IL6R: variants seen among roughly 807,000 people sequenced by gnomAD.
IL6R encodes interleukin-6 receptor subunit alpha.
A neutral mutation model predicts 48.3 loss-of-function variants in IL6R; 38 were observed. That is an observed-to-expected ratio of 0.79 (90% CI 0.61 to 1.03). The LOEUF (loss-of-function observed/expected upper bound fraction) is 1.03. Ranked by LOEUF, IL6R falls within the 50% of genes least tolerant of loss-of-function variation. The pLI is 0.00. For missense variants in IL6R, 534 were observed against 618.3 expected (o/e 0.86, Z 1.45); for synonymous variants, 264 against 256.2 (o/e 1.03, Z -0.29).
At chr1:154,414,274 G>T in intron 1 of IL6R, 2 of 561,550 alleles carry the variant, frequency 3.6e-6, no homozygotes, top group South Asian at 2.6e-5. Flanking sequence ...TATTTTTTGA[G>T]AGAATGTCAA....
rs886555953 is a variant in IL6R at position 154,433,776 on chromosome 1, G to A, written c.459-743G>A. On this transcript the variant is annotated intron_variant, in intron 3 of 9. Transcript: ENST00000368485. ...TGGAGTCTCTGTCGCCCAGGCTGGA[G>A]TGCAGTCTCTGTCACTGCAACATCT... 5.3e-5 allele frequency among the ~76,000 whole-genome samples: 8 copies of A among 151,550 alleles called. 1 individual carries two copies. Among genetic ancestry groups the A allele is most frequent in the South Asian group, 2.1e-4 (1 of 4,814 alleles).
chr1:154,450,261 G>C (rs1690509487), intron 8 of IL6R, among the ~76,000 whole-genome samples: 1 of 152,038 alleles, frequency 6.6e-6, no homozygotes, highest in Non-Finnish European at 1.5e-5. Flanking sequence ...AAGTAGCTGG[G>C]ATTACAGGCG....
rs200103743 is a variant in IL6R at position 154,430,516 on chromosome 1, G to A, written c.368G>A (p.Arg123Gln). ...GAGGAGCCCCAGCTCTCCTGCTTCCGGAAGAGCCCCCTCAGCAATGTTGTT... is the reference window on the plus strand; with the variant it reads ...GAGGAGCCCCAGCTCTCCTGCTTCCAGAAGAGCCCCCTCAGCAATGTTGTT... ...PPEEPQLSCF[R>Q]KSPLSNVVCE... The change falls in exon 3 of 10, where the codon CGG (arginine) becomes CAG (glutamine). Residue 123 changes from arginine to glutamine, a missense_variant. Coordinates refer to ENST00000368485, the MANE Select transcript of IL6R (RefSeq NM_000565.4). 1.6e-5 allele frequency: 26 copies of A among 1,613,854 alleles called. No homozygotes were observed. Among genetic ancestry groups the A allele is most frequent in the Middle Eastern group, 1.7e-4 (1 of 6,056 alleles).
Position 154,464,282 on chromosome 1 carries a change from G to A in IL6R, c.1161-852G>A, listed in dbSNP as rs868345781. 2.8e-4 allele frequency among the ~76,000 whole-genome samples: 43 copies of A among 151,824 alleles called. 1 individual carries two copies. The highest frequency in any genetic ancestry group is 9.2e-4 in the African/African-American group (38 of 41,424). On this transcript the variant is annotated intron_variant, in intron 9 of 9. Coordinates refer to ENST00000368485, the MANE Select transcript of IL6R (RefSeq NM_000565.4). ...CGATTCTCCTGCCTCAGCCTCCCAA[G>A]TATCTGGGATTACAGGTGCCTGCCA...
intron 7 of IL6R, 139 bp from the exon 8 acceptor site, chr1:154,449,772 C>T (rs927778889): frequency 6.3e-5 from 42 of 664,810 alleles, no homozygotes; most frequent in Non-Finnish European, 1.1e-4. Flanking sequence ...TTGATTTTTC[C>T]ACTGTTATGA....
Position 154,405,529 on chromosome 1 carries a change from G to GACC in IL6R, c.-101_-100insACC. On this transcript the variant is annotated 5_prime_UTR_variant, in exon 1 of 10. Transcript: ENST00000368485. This position sits in a 1 kb window ranked among gnomAD's most constrained non-coding sequence, Gnocchi z 5.2. ...CTGCCCCCGGGGCCTGAGCCCGCCT[G>GACC]CCCGCCCACCGCCCCGCCCCGCCCC... is the stretch of plus-strand genomic sequence containing the variant. 1.0e-5 allele frequency: 4 copies of GACC among 388,508 alleles called. No individual in the cohort carries two copies. Among genetic ancestry groups the GACC allele is most frequent in the Non-Finnish European group, 1.9e-5 (4 of 214,592 alleles). The allele number at this position is 388,508 out of a possible 1,614,324, so 24.1% of individuals were successfully genotyped here. A position where few individuals can be genotyped will look rare whatever the true frequency, so the allele number is the denominator to read the frequency against.
intron 1 of IL6R, among the ~76,000 whole-genome samples, chr1:154,407,956 C>G (rs1052689569): frequency 6.6e-6 from 1 of 152,154 alleles, no homozygotes; most frequent in Admixed American, 6.5e-5. Context: ...AGAGCTATCT[C>G]AGCTTCTGAA....
In IL6R at chr1:154,468,052, TAATGG is replaced by T. The variant is rs1210063305; in HGVS notation, c.*2676_*2680del. 2 of 152,160 alleles carry T rather than the reference TAATGG, an allele frequency of 1.3e-5. No individual in the cohort carries two copies. The highest frequency in any genetic ancestry group is 4.8e-5 in the African/African-American group (2 of 41,374). 9.4% of individuals were successfully genotyped at this position (152,160 alleles called of 1,614,324 possible). ...ATTGTTATTGCTTTCATTTTTATTG[TAATGG>T]AATTGCTTTGTTTTGTTTTTTTGTT... On this transcript the variant is annotated 3_prime_UTR_variant, in exon 10 of 10. Coordinates refer to ENST00000368485, the MANE Select transcript of IL6R (RefSeq NM_000565.4).
chr1:154,419,669 G>A (rs769728910), intron 1 of IL6R, among the ~76,000 whole-genome samples: 7 of 152,180 alleles, frequency 4.6e-5, no homozygotes, highest in Non-Finnish European at 8.8e-5. Context: ...CTGTGTCCTC[G>A]GTGGCAGGCC....
intron 1 of IL6R, among the ~76,000 whole-genome samples, chr1:154,418,113 G>T (rs1031110937): frequency 2.0e-5 from 3 of 151,876 alleles, no homozygotes; most frequent in African/African-American, 7.3e-5. Flanking sequence ...CAGGTGATCC[G>T]CCAGCCTCAG....
chr1:154,434,749 T>A (rs1354689553), intron 4 of IL6R, 49 bp downstream of exon 4: 3 of 1,541,204 alleles, frequency 1.9e-6, no homozygotes, highest in Non-Finnish European at 2.7e-6. Flanking sequence ...TCTTTTGATT[T>A]AATACTCCTT....
chr1:154,464,556 G>C (rs1411975580), intron 9 of IL6R, among the ~76,000 whole-genome samples: 1 of 152,150 alleles, frequency 6.6e-6, no homozygotes, highest in Non-Finnish European at 1.5e-5. Context: ...GTGACTTTTT[G>C]GTGCCTCAGT....
chr1:154,449,304 C>T (rs1690455292), intron 7 of IL6R, among the ~76,000 whole-genome samples: 2 of 151,918 alleles, frequency 1.3e-5, no homozygotes, highest in African/African-American at 2.4e-5. Flanking sequence ...CACCTGAGGT[C>T]AGGAGTTCAA....
chr1:154,429,479 C>T (rs1570951673), intron 2 of IL6R, 35 bp downstream of exon 2: 2 of 1,585,978 alleles, frequency 1.3e-6, no homozygotes, highest in South Asian at 1.1e-5. Flanking sequence ...GAGATAGTTC[C>T]CGTAAGAAAT....
At chr1:154,442,299 T>C (rs1002279625) in intron 6 of IL6R, among the ~76,000 whole-genome samples, 9 of 152,098 alleles carry the variant, frequency 5.9e-5, no homozygotes, top group Non-Finnish European at 1.5e-5. Flanking sequence ...AAAAGCTTCA[T>C]GGAGGAGGTG....
intron 1 of IL6R, among the ~76,000 whole-genome samples, chr1:154,412,478 G>A (rs1211396752): frequency 6.6e-6 from 1 of 151,518 alleles, no homozygotes; most frequent in Admixed American, 6.6e-5. Context: ...GGCTGGTCTC[G>A]AACTCCTGAC....
chr1:154,418,617 C>T (rs1222329035), intron 1 of IL6R, among the ~76,000 whole-genome samples: 5 of 152,204 alleles, frequency 3.3e-5, no homozygotes, highest in Non-Finnish European at 7.3e-5. Context: ...GGAGCCTTGA[C>T]TTGCCGTAGC....
chr1:154,427,373 A>G (rs1001069413), intron 1 of IL6R, among the ~76,000 whole-genome samples: 5 of 152,124 alleles, frequency 3.3e-5, no homozygotes, highest in South Asian at 2.1e-4. Flanking sequence ...TGTTTATCAA[A>G]CACAGGACTT....
chr1:154,446,404 G>A (rs1478115598), intron 6 of IL6R, among the ~76,000 whole-genome samples: 1 of 152,146 alleles, frequency 6.6e-6, no homozygotes. Flanking sequence ...CCTCCCTGAC[G>A]CCGAAGCAGG....
Sources: allele counts gnomAD v4.1 joint callset (sites outside exome capture counted in the v4.1 genomes callset), GRCh38; gene constraint gnomAD v4.1.1; non-coding constraint Gnocchi (gnomAD v3.1); transcripts MANE v1.5; gene names NCBI Gene and HGNC (gene_info 2026-07-23, HGNC 2026-07-21).